The following SLC29A3 variants were observed in gnomAD, a reference collection of about 807,000 sequenced individuals.
SLC29A3 encodes solute carrier family 29 member 3.
SLC29A3 carries 18 observed loss-of-function variants against 25.4 expected under a neutral mutation model. The ratio of observed to expected loss-of-function variants is 0.71; its 90% CI spans 0.49 to 1.05. The LOEUF (loss-of-function observed/expected upper bound fraction) is 1.05. SLC29A3 is among the 50% of genes least tolerant of loss of function. The pLI, the probability that SLC29A3 is intolerant of heterozygous loss-of-function variation, is 0.00. For synonymous variants in SLC29A3, 258 were observed against 267.1 expected (o/e 0.97, Z 0.33); for missense variants, 586 against 609.0 (o/e 0.96, Z 0.40).
At chr10:71,338,033 C>T (rs1846299566) in intron 2 of SLC29A3, among the ~76,000 whole-genome samples, 1 of 152,264 alleles carries the variant, frequency 6.6e-6, no homozygotes, top group Admixed American at 6.5e-5. Flanking sequence ...AGCAGTGGCT[C>T]ATCCACATTC....
chr10:71,341,125 C>A (rs947742908), intron 2 of SLC29A3, among the ~76,000 whole-genome samples: 1 of 152,112 alleles, frequency 6.6e-6, no homozygotes, highest in East Asian at 1.9e-4. Flanking sequence ...TCTCACGGGG[C>A]TTGACTCCCC....
intron 3 of SLC29A3, among the ~76,000 whole-genome samples, chr10:71,371,045 T>G (rs963931283): frequency 6.6e-5 from 10 of 152,192 alleles, no homozygotes; most frequent in African/African-American, 1.9e-4. Context: ...CCTCCCAAAG[T>G]GCTGGGATTA....
At chr10:71,344,406 G>A (rs1846508269) in intron 3 of SLC29A3, 115 bp downstream of exon 3, 1 of 779,224 alleles carries the variant, frequency 1.3e-6, no homozygotes, top group African/African-American at 1.7e-5. Context: ...CACCAAAGTA[G>A]GATGCAGCAG....
chr10:71,361,688 C>T (rs1005177611), intron 5 of SLC29A3, among the ~76,000 whole-genome samples: 1 of 152,244 alleles, frequency 6.6e-6, no homozygotes, highest in Non-Finnish European at 1.5e-5. Context: ...GGCCCAGACT[C>T]ACCATGCAGT....
chr10:71,341,228 GGTGGC>G (rs1846399724), intron 2 of SLC29A3, among the ~76,000 whole-genome samples: 1 of 142,438 alleles, frequency 7.0e-6, no homozygotes, highest in African/African-American at 3.1e-5. Flanking sequence ...CTCCTCCTTT[GGTGGC>G]AGTGGTGGCA....
At chr10:71,339,990 A>G (rs1479409200) in intron 2 of SLC29A3, among the ~76,000 whole-genome samples, 1 of 152,186 alleles carries the variant, frequency 6.6e-6, no homozygotes, top group Non-Finnish European at 1.5e-5. Flanking sequence ...CACGGGCTTG[A>G]CACCTCTTCA....
Position 71,362,627 on chromosome 10 carries a change from A to C in SLC29A3, c.*19A>C. The C allele has an allele frequency of 6.2e-7, 1 of 1,614,058 alleles. No homozygotes were observed. Among genetic ancestry groups the C allele is most frequent in the Non-Finnish European group, 8.5e-7 (1 of 1,180,012 alleles). The stretch of plus-strand genomic sequence containing the variant: ...CATCTAGAAGGGAGGACACAAGGAC[A>C]TTGGTGCTTCAGAGCCTTTGAAGAT... On this transcript the variant is annotated 3_prime_UTR_variant, in exon 6 of 6. Transcript: ENST00000373189.
At chr10:71,323,466 C>T (rs540614174) in intron 2 of SLC29A3, among the ~76,000 whole-genome samples, 4 of 152,368 alleles carry the variant, frequency 2.6e-5, no homozygotes, top group Admixed American at 6.5e-5. Context: ...TAGTGCAAGA[C>T]GGCTGTTGTA....
intron 3 of SLC29A3, among the ~76,000 whole-genome samples, chr10:71,370,202 G>C (rs892055305): frequency 8.3e-4 from 126 of 152,222 alleles, no homozygotes; most frequent in African/African-American, 3.0e-3. Flanking sequence ...CTGGATCTCA[G>C]GTGCCACATG....
At chr10:71,320,075 G>C in intron 1 of SLC29A3, among the ~76,000 whole-genome samples, 1 of 152,208 alleles carries the variant, frequency 6.6e-6, no homozygotes, top group East Asian at 1.9e-4. Context: ...TCACTCCAGT[G>C]CCCTGGCCTG....
At chr10:71,370,746 G>A (rs760282354) in intron 3 of SLC29A3, among the ~76,000 whole-genome samples, 13 of 152,020 alleles carry the variant, frequency 8.6e-5, no homozygotes, top group Non-Finnish European at 1.8e-4. Context: ...CAAAATATTG[G>A]TGAGAAAAGT....
chr10:71,353,830 C>A (rs186660187), intron 4 of SLC29A3, among the ~76,000 whole-genome samples: 177 of 152,202 alleles, frequency 1.2e-3, no homozygotes, highest in African/African-American at 3.9e-3. Flanking sequence ...CATGTATTTC[C>A]ATAACTGATG....
intron 3 of SLC29A3, among the ~76,000 whole-genome samples, chr10:71,374,064 T>C (rs753023575): frequency 6.6e-6 from 1 of 152,244 alleles, no homozygotes; most frequent in Non-Finnish European, 1.5e-5. Flanking sequence ...AGTTTAGTCA[T>C]TGATGTGTAA....
At chr10:71,376,852 C>T (rs1847255805) in intron 4 of SLC29A3, among the ~76,000 whole-genome samples, 1 of 152,172 alleles carries the variant, frequency 6.6e-6, no homozygotes, top group Non-Finnish European at 1.5e-5. Flanking sequence ...CAAACTCCAC[C>T]TCCTGGATTC....
At position 71,378,096 on chromosome 10, in the gene SLC29A3, G is replaced by GC. The variant is rs1491281596; in HGVS notation, c.*212-1670_*212-1669insC. ...TGGGGTCTGAAGCTTAGACAATGTT[G>GC]GGGGGGGGGGTCCTCTTTTGGAAAA... On this transcript the variant is annotated intron_variant and NMD_transcript_variant, in intron 4 of 4. Coordinates refer to the SLC29A3 transcript ENST00000642772. 3.3e-3 allele frequency among the ~76,000 whole-genome samples: 70 copies of GC among 21,284 alleles called. 3 individuals carry two copies. Among genetic ancestry groups the GC allele is most frequent in the African/African-American group, 8.1e-3 (67 of 8,318 alleles). 14.0% of individuals were successfully genotyped at this position (21,284 alleles called of 152,430 possible).
At chr10:71,349,806 T>A (rs1247042799) in intron 3 of SLC29A3, among the ~76,000 whole-genome samples, 1 of 152,168 alleles carries the variant, frequency 6.6e-6, no homozygotes, top group African/African-American at 2.4e-5. Flanking sequence ...CCAAGACACA[T>A]GCACTTATAT....
At chr10:71,359,150 C>T (rs949012957) in intron 5 of SLC29A3, among the ~76,000 whole-genome samples, 1 of 152,122 alleles carries the variant, frequency 6.6e-6, no homozygotes, top group Non-Finnish European at 1.5e-5. Context: ...CTCAAGTGAT[C>T]CACCCGCCTC....
intron 2 of SLC29A3, among the ~76,000 whole-genome samples, chr10:71,328,589 C>T (rs1846032017): frequency 6.6e-6 from 1 of 152,236 alleles, no homozygotes; most frequent in Non-Finnish European, 1.5e-5. Context: ...GCCCCTGGTA[C>T]ACCTGGCATG....
At chr10:71,370,761 T>C (rs758177641) in intron 3 of SLC29A3, among the ~76,000 whole-genome samples, 1 of 152,050 alleles carries the variant, frequency 6.6e-6, no homozygotes, top group Non-Finnish European at 1.5e-5. Flanking sequence ...AAAAGTGCCA[T>C]TGTTTTGCAG....
Sources: allele counts gnomAD v4.1 joint callset (sites outside exome capture counted in the v4.1 genomes callset), GRCh38; gene constraint gnomAD v4.1.1; transcripts MANE v1.5; gene names NCBI Gene and HGNC (gene_info 2026-07-23, HGNC 2026-07-21).